The following ZFYVE1 variants were observed in gnomAD, a reference collection of about 807,000 sequenced individuals.
ZFYVE1 encodes zinc finger FYVE-type containing 1.
Under a neutral mutation model 74.4 loss-of-function variants are expected in ZFYVE1, and 30 were observed. The ratio of observed to expected loss-of-function variants is 0.40; its 90% CI spans 0.30 to 0.55. The LOEUF is 0.55. ZFYVE1 is among the 20% of genes least tolerant of loss of function. The pLI is 0.42. For synonymous variants in ZFYVE1, 335 were observed against 385.1 expected (o/e 0.87, Z 1.52); for missense variants, 703 against 1,011.6 (o/e 0.69, Z 4.14).
rs138653958 is a variant in ZFYVE1, at chr14:72,999,986, G to A, written c.484-1671C>T. ...TGAGGCAGGAGAATTGCTTGAACCC[G>A]GGAGGCAGACTGCAGTGAGCCGAGA... On this transcript the variant is annotated intron_variant, in intron 2 of 11. Coordinates refer to ENST00000556143, the MANE Select transcript of ZFYVE1 (RefSeq NM_021260.4). Among the ~76,000 whole-genome samples the A allele has an allele frequency of 2.5e-3, 386 of 152,234 alleles. 3 individuals carry two copies. The highest frequency in any genetic ancestry group is 9.0e-3 in the African/African-American group (375 of 41,552).
chr14:72,973,572 C>G (rs1034952706), intron 11 of ZFYVE1, among the ~76,000 whole-genome samples: 3 of 152,094 alleles, frequency 2.0e-5, no homozygotes, highest in African/African-American at 4.8e-5. Context: ...CTCCTGGAAC[C>G]CTGACATCAT....
intron 2 of ZFYVE1, among the ~76,000 whole-genome samples, chr14:73,007,323 G>T (rs767978393): frequency 4.6e-5 from 7 of 152,068 alleles, no homozygotes; most frequent in Non-Finnish European, 1.0e-4. Context: ...TGGCACCAAG[G>T]TCTTTTCAGT....
At chr14:72,991,966 G>A (rs2140361316) in intron 4 of ZFYVE1, among the ~76,000 whole-genome samples, 1 of 151,564 alleles carries the variant, frequency 6.6e-6, no homozygotes, top group Middle Eastern at 3.4e-3. Flanking sequence ...GAGTGCAGTG[G>A]GACAATCTCG....
At chr14:73,013,427 A>G (rs1313878065) in intron 2 of ZFYVE1, among the ~76,000 whole-genome samples, 2 of 151,988 alleles carry the variant, frequency 1.3e-5, no homozygotes, top group East Asian at 3.9e-4. Context: ...GGCCAACATG[A>G]TGAAACCCCG....
At chr14:72,988,677 T>C (rs1893539392) in intron 4 of ZFYVE1, among the ~76,000 whole-genome samples, 1 of 151,394 alleles carries the variant, frequency 6.6e-6, no homozygotes, top group African/African-American at 2.4e-5. Flanking sequence ...CATGGTGGTG[T>C]GTGCCCGTAA....
intron 2 of ZFYVE1, among the ~76,000 whole-genome samples, chr14:73,006,081 G>A (rs139919979): frequency 0.013 from 2,020 of 151,966 alleles, 24 homozygotes; most frequent in Middle Eastern, 0.031. Flanking sequence ...CACCACGCCC[G>A]GAGAATTTTT....
intron 2 of ZFYVE1, among the ~76,000 whole-genome samples, chr14:73,009,776 T>G (rs913954723): frequency 6.6e-6 from 1 of 150,932 alleles, no homozygotes; most frequent in African/African-American, 2.4e-5. Flanking sequence ...AAAACAAAAC[T>G]CTCCTTTGGG....
rs182804071 is a variant in ZFYVE1, at chr14:72,997,592, T to C, written c.988+219A>G. On this transcript the variant is annotated intron_variant, in intron 3 of 11. Coordinates refer to ENST00000556143, the MANE Select transcript of ZFYVE1 (RefSeq NM_021260.4). ...ATCCAGATCACTAAGGACTTATATATTGCCAAAGCCAATTGGCAATTCTCA... is the reference window on the plus strand; with the variant it reads ...ATCCAGATCACTAAGGACTTATATACTGCCAAAGCCAATTGGCAATTCTCA... Among the ~76,000 whole-genome samples, 249 of 152,286 alleles carry C rather than the reference T, an allele frequency of 1.6e-3. 1 individual carries two copies. Among genetic ancestry groups the C allele is most frequent in the African/African-American group, 5.2e-3 (215 of 41,570 alleles).
At chr14:73,015,286 AAGGAAGGAAAGAAGGG>A (rs1894169042) in intron 2 of ZFYVE1, among the ~76,000 whole-genome samples, 1 of 68,772 alleles carries the variant, frequency 1.5e-5, no homozygotes, top group African/African-American at 8.2e-5. Context: ...GGAAGGAAGG[AAGGAAGGAAAGAAGGG>A]AGGGAGGGAG....
intron 2 of ZFYVE1, among the ~76,000 whole-genome samples, chr14:73,018,805 G>A (rs552372820): frequency 2.6e-5 from 4 of 152,174 alleles, no homozygotes; most frequent in Admixed American, 6.6e-5. Flanking sequence ...CTAGCCAGGC[G>A]TGGTGGCGCG....
intron 4 of ZFYVE1, among the ~76,000 whole-genome samples, chr14:72,982,279 C>T (rs960122278): frequency 6.6e-6 from 1 of 152,032 alleles, no homozygotes; most frequent in Non-Finnish European, 1.5e-5. Context: ...ACAGGCAGAG[C>T]CCAGATGTGA....
At chr14:73,019,747 T>C (rs917029313) in intron 2 of ZFYVE1, among the ~76,000 whole-genome samples, 2 of 133,454 alleles carry the variant, frequency 1.5e-5, no homozygotes, top group African/African-American at 5.7e-5. Flanking sequence ...AGGTCAGGAG[T>C]TCGAGACCAG....
Position 72,998,331 on chromosome 14 carries a change from A to AC in ZFYVE1, c.484-17_484-16insG. The AC allele has an allele frequency of 6.6e-7, 1 of 1,508,200 alleles. No homozygotes were observed. The highest frequency in any genetic ancestry group is 8.8e-7 in the Non-Finnish European group (1 of 1,133,860). The allele number at this position is 1,508,200 out of a possible 1,614,324, so 93.4% of individuals were successfully genotyped here. ...CATTTGTTACCTGCAAAAAAAAAAA[A>AC]AAAGACCATGAAATACAGAAACTGT... On this transcript the variant is annotated splice_polypyrimidine_tract_variant and intron_variant, in intron 2 of 11. Transcript: ENST00000556143.
At position 72,978,137 on chromosome 14, in the gene ZFYVE1, C is replaced by T; in HGVS notation, c.1517G>A (p.Gly506Glu). The T allele has an allele frequency of 6.2e-7, 1 of 1,614,186 alleles. No homozygotes were observed. ...WMGLAKYAWS[G>E]YVIECPNCGV... ...CTTGAGCCATGTTGTTTAAACTCAC[C>T]CAGACCAGGCATATTTTGCGAGACC... The change falls in exon 7 of 12, where the codon GGG (glycine) becomes GAG (glutamate). Residue 506 changes from glycine to glutamate, a missense_variant and splice_region_variant. Gly to Glu is a moderately conservative substitution (Grantham distance 98). Coordinates refer to ENST00000556143, the MANE Select transcript of ZFYVE1 (RefSeq NM_021260.4).
At chr14:72,991,701 C>G (rs937604578) in intron 4 of ZFYVE1, among the ~76,000 whole-genome samples, 54 of 152,086 alleles carry the variant, frequency 3.6e-4, no homozygotes, top group African/African-American at 1.2e-3. Flanking sequence ...ACATTATTAG[C>G]CAATACAACT....
chr14:72,987,028 A>G, intron 4 of ZFYVE1: 5 of 938,266 alleles, frequency 5.3e-6, no homozygotes, highest in Non-Finnish European at 6.4e-6. Flanking sequence ...GGTTGCCTGG[A>G]GACCAGATGA....
chr14:73,012,392 C>T (rs1447889272), intron 2 of ZFYVE1, among the ~76,000 whole-genome samples: 3 of 152,082 alleles, frequency 2.0e-5, no homozygotes, highest in Non-Finnish European at 4.4e-5. Context: ...GAGGCTGAGG[C>T]GGGTGGATCA....
At position 72,970,724 on chromosome 14, in the gene ZFYVE1, G is replaced by A; in HGVS notation, c.*158C>T. ...CTGAGGGGTCCACACCTTCGGGCCTGCCGCCAGGCTCACCCCCACTGAGGG... is the reference window on the plus strand; with the variant it reads ...CTGAGGGGTCCACACCTTCGGGCCTACCGCCAGGCTCACCCCCACTGAGGG... On this transcript the variant is annotated 3_prime_UTR_variant, in exon 12 of 12. Coordinates refer to ENST00000556143, the MANE Select transcript of ZFYVE1 (RefSeq NM_021260.4). 2.5e-6 allele frequency: 2 copies of A among 810,508 alleles called. No homozygotes were observed. The highest frequency in any genetic ancestry group is 3.9e-6 in the Non-Finnish European group (2 of 517,066). 50.2% of individuals were successfully genotyped at this position (810,508 alleles called of 1,614,324 possible).
At chr14:72,981,466 A>C (rs1893329082) in intron 5 of ZFYVE1, among the ~76,000 whole-genome samples, 1 of 152,152 alleles carries the variant, frequency 6.6e-6, no homozygotes, top group Non-Finnish European at 1.5e-5. Context: ...AAAAACACAG[A>C]AAAGCAGGCA....
Sources: gnomAD v4.1 joint callset for allele counts (sites outside exome capture counted in the v4.1 genomes callset) on GRCh38, gnomAD v4.1.1 for gene constraint, MANE v1.5 for transcripts, NCBI Gene and HGNC (gene_info 2026-07-23, HGNC 2026-07-21) for gene names.